CNTRL: variants seen among roughly 807,000 people sequenced by gnomAD.
The protein encoded by CNTRL is centriolin.
In CNTRL, 233 loss-of-function variants were observed where a neutral mutation model predicts 303.7. The observed-to-expected ratio is 0.77, with a 90% CI of 0.69 to 0.86. The LOEUF (loss-of-function observed/expected upper bound fraction) is 0.86. CNTRL is among the 40% of genes least tolerant of loss of function. CNTRL has a pLI of 0.00. For synonymous variants in CNTRL, 900 were observed against 922.2 expected, an observed-to-expected ratio of 0.98 and a Z score of 0.44; for missense variants, 2,524 against 2,650.6, an observed-to-expected ratio of 0.95 and a Z score of 1.05.
intron 36 of CNTRL, 127 bp from the exon 37 acceptor site, chr9:121,167,362 G>T: frequency 1.4e-6 from 1 of 724,680 alleles, no homozygotes; most frequent in African/African-American, 1.8e-5. Flanking sequence ...TAAGTTTATT[G>T]AGATAATAAA....
rs961456613 is a variant in CNTRL, at chr9:121,168,152, T to A, written c.5901T>A (p.Ser1967Arg). Reference sequence around the variant, plus strand: ...GTGAAGAAAGCAAATTAGAAACCAGTAAAGTGACACTGAAGGAGCAACAGC... The same window carrying A: ...GTGAAGAAAGCAAATTAGAAACCAGAAAAGTGACACTGAAGGAGCAACAGC... ...RESEESKLET[S>R]KVTLKEQQHQ... is the part of the protein sequence containing the mutation. The change falls in exon 38 of 44, where the codon AGT becomes AGA. Residue 1967 changes from serine to arginine, a missense_variant. By Grantham distance (110) the Ser-to-Arg change is moderately radical. Coordinates refer to ENST00000373855, the MANE Select transcript of CNTRL (RefSeq NM_007018.6). The A allele has an allele frequency of 5.0e-6, 8 of 1,613,828 alleles. No individual in the cohort carries two copies. The highest frequency in any genetic ancestry group is 6.8e-6 in the Non-Finnish European group (8 of 1,180,018).
At chr9:121,101,239 A>G (rs1041750997) in intron 7 of CNTRL, among the ~76,000 whole-genome samples, 1 of 152,244 alleles carries the variant, frequency 6.6e-6, no homozygotes, top group Non-Finnish European at 1.5e-5. Context: ...ACTCAGGATT[A>G]AGAAACTCAC....
chr9:121,117,712 G>T (rs1431944121), intron 11 of CNTRL, among the ~76,000 whole-genome samples: 1 of 152,160 alleles, frequency 6.6e-6, no homozygotes, highest in Non-Finnish European at 1.5e-5. Context: ...GGGCATGGTG[G>T]CTCATGCCTG....
intron 5 of CNTRL, 135 bp downstream of exon 5, chr9:121,095,153 T>G: frequency 3.0e-6 from 2 of 673,716 alleles, no homozygotes; most frequent in Non-Finnish European, 4.7e-6. Context: ...ATCAATCAAA[T>G]GAATGTCTGT....
intron 6 of CNTRL, among the ~76,000 whole-genome samples, chr9:121,096,968 G>GTTC (rs1554738009): frequency 7.0e-6 from 1 of 142,718 alleles, no homozygotes; most frequent in African/African-American, 2.6e-5. Context: ...AAAGTTCTGG[G>GTTC]TTTTTTTTTT....
chr9:121,090,852 TG>T (rs2048539152), intron 4 of CNTRL, among the ~76,000 whole-genome samples: 1 of 152,208 alleles, frequency 6.6e-6, no homozygotes, highest in Non-Finnish European at 1.5e-5. Context: ...TACCCAAGAC[TG>T]GGCAATTTAC....
chr9:121,152,929 G>C (rs1396728517), intron 26 of CNTRL, among the ~76,000 whole-genome samples: 8 of 152,162 alleles, frequency 5.3e-5, no homozygotes, highest in Admixed American at 5.2e-4. Flanking sequence ...ACAGGTCTGA[G>C]TTCTTTTGGC....
chr9:121,169,678 A>T lies in CNTRL; in HGVS notation c.6138A>T (p.Lys2046Asn). Residue 2046 changes from lysine (K) to asparagine (N), a missense_variant, in exon 39 of 44, where the codon AAA (lysine) becomes AAT (asparagine). Lys to Asn is a moderately conservative substitution (Grantham distance 94). Transcript: ENST00000373855. Reference sequence around the variant, plus strand: ...CAGGTGAGCTGTTGGCCCTCCAGAAAGAGGCAGATTCTATGAGGGCAGACT... The same window carrying T: ...CAGGTGAGCTGTTGGCCCTCCAGAATGAGGCAGATTCTATGAGGGCAGACT... Reference protein sequence around the residue: ...EKSGELLALQKEADSMRADFS... With the variant: ...EKSGELLALQNEADSMRADFS... 1 of 1,614,188 alleles carries T rather than the reference A, an allele frequency of 6.2e-7. No homozygotes were observed. Among genetic ancestry groups the T allele is most frequent in the Non-Finnish European group, 8.5e-7 (1 of 1,180,030 alleles).
At chr9:121,153,939 T>C (rs2052425583) in intron 26 of CNTRL, among the ~76,000 whole-genome samples, 1 of 152,198 alleles carries the variant, frequency 6.6e-6, no homozygotes, top group Admixed American at 6.5e-5. Flanking sequence ...GTCTGTTATT[T>C]TTGTGGGTAT....
intron 7 of CNTRL, among the ~76,000 whole-genome samples, chr9:121,103,910 A>G (rs1194620903): frequency 1.3e-5 from 2 of 152,202 alleles, no homozygotes; most frequent in South Asian, 2.1e-4. Flanking sequence ...AAATAGGAAC[A>G]CTTTTACACT....
chr9:121,136,457 G>A (rs2051199943), intron 15 of CNTRL, among the ~76,000 whole-genome samples: 1 of 151,910 alleles, frequency 6.6e-6, no homozygotes, highest in Non-Finnish European at 1.5e-5. Flanking sequence ...CTACAGGTGC[G>A]CGCCACCATG....
At chr9:121,131,861 G>A (rs2050880398) in intron 14 of CNTRL, among the ~76,000 whole-genome samples, 1 of 152,194 alleles carries the variant, frequency 6.6e-6, no homozygotes, top group African/African-American at 2.4e-5. Context: ...TTGCTTGTCT[G>A]TAAAGGATTT....
chr9:121,123,852 T>TA, intron 12 of CNTRL, 79 bp from the exon 13 acceptor site: 2 of 1,079,036 alleles, frequency 1.9e-6, no homozygotes, highest in Non-Finnish European at 2.5e-6. Flanking sequence ...ATTCTTCCTT[T>TA]AAAAATGTTG....
At chr9:121,077,442 A>G (rs904683850) in intron 1 of CNTRL, among the ~76,000 whole-genome samples, 1 of 151,990 alleles carries the variant, frequency 6.6e-6, no homozygotes, top group Non-Finnish European at 1.5e-5. Flanking sequence ...ATTCTCAAAC[A>G]CTGTAAACCC....
chr9:121,170,955 G>C (rs1422745263), intron 39 of CNTRL, among the ~76,000 whole-genome samples: 1 of 152,188 alleles, frequency 6.6e-6, no homozygotes, highest in African/African-American at 2.4e-5. Flanking sequence ...GAACTGTCAA[G>C]GGGGAGGATT....
rs770631815 is a variant in CNTRL at position 121,173,438 on chromosome 9, G to C, written c.6613G>C (p.Glu2205Gln). Residue 2205 changes from glutamate (E) to glutamine (Q), a missense_variant, in exon 41 of 44, where the codon GAG becomes CAG. By Grantham distance (29) the Glu-to-Gln change is conservative. Transcript: ENST00000373855. ...NLEGELESLK[E>Q]NLPFTMNEGP... ...AGAAGGAGAATTGGAAAGCTTGAAA[G>C]AGAACCTTCCATTTACCATGAATGA... 6.2e-7 allele frequency: 1 copy of C among 1,613,986 alleles called. No homozygotes were observed.
rs765091006 is a variant in CNTRL, at chr9:121,150,482, T to C, written c.3962T>C (p.Leu1321Ser). The change falls in exon 25 of 44, where the codon TTA becomes TCA. Residue 1321 changes from leucine (L) to serine (S), a missense_variant and splice_region_variant. Leu to Ser is a moderately radical substitution (Grantham distance 145). Transcript: ENST00000373855. ...LHCNVPEHHN[L>S]ENEVSRLEDI... ...TGCAACGTCCCTGAACACCATAACTTAGTAAGTGGAAAGACATACAACTCT... is the reference window on the plus strand; with the variant it reads ...TGCAACGTCCCTGAACACCATAACTCAGTAAGTGGAAAGACATACAACTCT... 8.1e-6 allele frequency: 13 copies of C among 1,613,746 alleles called. No homozygotes were observed. In the South Asian group the frequency reaches 9.9e-5, roughly 12 times the overall value.
chr9:121,088,691 C>T (rs2048441931), intron 3 of CNTRL, 148 bp downstream of exon 3: 2 of 600,204 alleles, frequency 3.3e-6, no homozygotes, highest in Non-Finnish European at 5.9e-6. Context: ...ACTGTAAGGA[C>T]AGTTGGAGGA....
chr9:121,105,276 G>C (rs2049411365), intron 7 of CNTRL, among the ~76,000 whole-genome samples: 2 of 152,222 alleles, frequency 1.3e-5, no homozygotes, highest in Admixed American at 1.3e-4. Flanking sequence ...ATGAAAGATA[G>C]ATGGATCAGT....
Sources: allele counts gnomAD v4.1 joint callset (sites outside exome capture counted in the v4.1 genomes callset), GRCh38; gene constraint gnomAD v4.1.1; transcripts MANE v1.5; gene names NCBI Gene and HGNC (gene_info 2026-07-23, HGNC 2026-07-21).